The following PACRG variants were observed in gnomAD, a reference collection of about 807,000 sequenced individuals.
PACRG encodes the protein parkin coregulated gene protein.
Under a neutral mutation model 29.7 loss-of-function variants are expected in PACRG, and 29 were observed. The ratio of observed to expected loss-of-function variants is 0.98; its 90% CI spans 0.73 to 1.33. The LOEUF (loss-of-function observed/expected upper bound fraction) is 1.33. PACRG is among the 40% of genes most tolerant of loss of function. The pLI, the probability that PACRG is intolerant of heterozygous loss-of-function variation, is 0.00. For synonymous variants in PACRG, 116 were observed against 118.7 expected (o/e 0.98, Z 0.15); for missense variants, 279 against 316.2 (o/e 0.88, Z 0.89).
At chr6:163,272,961 G>C (rs1258249362) in intron 4 of PACRG, among the ~76,000 whole-genome samples, 1 of 132,316 alleles carries the variant, frequency 7.6e-6, no homozygotes. Context: ...GCGGGATCTC[G>C]GCTCACTGCA....
intron 2 of PACRG, among the ~76,000 whole-genome samples, chr6:162,920,693 T>C (rs1415784959): frequency 1.3e-5 from 2 of 152,206 alleles, no homozygotes; most frequent in Non-Finnish European, 2.9e-5. Flanking sequence ...TACAGTTCTC[T>C]GAGCAATCAG....
At chr6:163,023,502 T>G (rs568944765) in intron 2 of PACRG, among the ~76,000 whole-genome samples, 1 of 152,364 alleles carries the variant, frequency 6.6e-6, no homozygotes, top group African/African-American at 2.4e-5. Context: ...TGACTCCATG[T>G]CTTTGTCATT....
intron 1 of PACRG, among the ~76,000 whole-genome samples, chr6:162,806,170 A>G (rs964797735): frequency 1.3e-5 from 2 of 150,866 alleles, no homozygotes; most frequent in Non-Finnish European, 2.9e-5. Flanking sequence ...GTGCAATAGC[A>G]CAATCTCAGC....
intron 4 of PACRG, among the ~76,000 whole-genome samples, chr6:163,201,135 G>A (rs1186171006): frequency 7.3e-5 from 10 of 137,354 alleles, no homozygotes; most frequent in Non-Finnish European, 1.1e-4. Flanking sequence ...CTAACGAGAC[G>A]GAAACATAGG....
chr6:162,915,189 C>G (rs1357535080), intron 2 of PACRG, among the ~76,000 whole-genome samples: 1 of 151,910 alleles, frequency 6.6e-6, no homozygotes, highest in Non-Finnish European at 1.5e-5. Context: ...GAATTTCTTA[C>G]TATTCCTAAT....
intron 2 of PACRG, among the ~76,000 whole-genome samples, chr6:163,031,375 A>G (rs1807647159): frequency 6.6e-6 from 1 of 152,222 alleles, no homozygotes; most frequent in African/African-American, 2.4e-5. Context: ...TTAGATTTTT[A>G]CATTACCCAT....
At chr6:162,794,345 A>G (rs2128331320) in intron 1 of PACRG, among the ~76,000 whole-genome samples, 1 of 151,980 alleles carries the variant, frequency 6.6e-6, no homozygotes, top group South Asian at 2.1e-4. Context: ...ATATGTTTTG[A>G]ATACTAATTT....
intron 1 of PACRG, among the ~76,000 whole-genome samples, chr6:162,770,159 C>G (rs959203721): frequency 2.6e-5 from 4 of 152,140 alleles, no homozygotes; most frequent in African/African-American, 9.7e-5. Context: ...TTGAATTCCA[C>G]AGATGCAATC....
intron 2 of PACRG, among the ~76,000 whole-genome samples, chr6:162,874,151 A>AAAT (rs67812561): frequency 3.3e-3 from 452 of 136,290 alleles, no homozygotes; most frequent in African/African-American, 5.4e-3. Flanking sequence ...AAAAAAAAAA[A>AAAT]ATATATATAT....
intron 2 of PACRG, among the ~76,000 whole-genome samples, chr6:163,007,245 A>G (rs1279387104): frequency 1.3e-5 from 2 of 152,188 alleles, no homozygotes; most frequent in Non-Finnish European, 2.9e-5. Context: ...TTTTACTTCT[A>G]TATATTATAG....
intron 4 of PACRG, among the ~76,000 whole-genome samples, chr6:163,273,994 G>A (rs139833668): frequency 5.9e-4 from 89 of 152,096 alleles, no homozygotes; most frequent in African/African-American, 2.1e-3. Flanking sequence ...CTTCTGATAT[G>A]CAGTATCTTT....
chr6:162,941,812 CAAAT>C (rs1358483677), intron 2 of PACRG, among the ~76,000 whole-genome samples: 2 of 152,058 alleles, frequency 1.3e-5, no homozygotes, highest in Non-Finnish European at 2.9e-5. Context: ...AAACAGAAAT[CAAAT>C]AACCATGTTA....
At chr6:162,947,330 A>T (rs1562765444) in intron 2 of PACRG, among the ~76,000 whole-genome samples, 3 of 32,784 alleles carry the variant, frequency 9.2e-5, no homozygotes, top group African/African-American at 2.1e-4. Flanking sequence ...TAATACATAT[A>T]ATCATATATA....
chr6:163,043,196 A>G (rs1808924607), intron 2 of PACRG: 1 of 152,228 alleles, frequency 6.6e-6, no homozygotes, highest in Non-Finnish European at 1.5e-5. Context: ...AGGAGCACCA[A>G]GAGAGTTTAA....
chr6:163,006,190 C>CAT (rs776663491), intron 2 of PACRG, among the ~76,000 whole-genome samples: 13,832 of 123,806 alleles, frequency 0.11, 1,825 homozygotes, highest in African/African-American at 0.33. Context: ...TATATAAACC[C>CAT]ATATATATAT....
chr6:162,997,499 A>G (rs1482176859), intron 2 of PACRG: 5 of 447,192 alleles, frequency 1.1e-5, no homozygotes, highest in Middle Eastern at 3.3e-4. Flanking sequence ...ATGTCTTCCA[A>G]TGAATAGCAG....
At chr6:162,732,144 A>G (rs1289753661) in intron 1 of PACRG, among the ~76,000 whole-genome samples, 1 of 152,130 alleles carries the variant, frequency 6.6e-6, no homozygotes, top group East Asian at 1.9e-4. Flanking sequence ...AAATACACCT[A>G]CATTTTCCCT....
intron 2 of PACRG, among the ~76,000 whole-genome samples, chr6:162,863,941 G>C (rs1792084504): frequency 6.6e-6 from 1 of 152,016 alleles, no homozygotes; most frequent in Non-Finnish European, 1.5e-5. Context: ...TCCATTGCTT[G>C]TTCTCCTTCT....
intron 2 of PACRG, among the ~76,000 whole-genome samples, chr6:162,903,159 A>G (rs1795674647): frequency 6.6e-6 from 1 of 152,094 alleles, no homozygotes; most frequent in African/African-American, 2.4e-5. Context: ...CTCCCATACT[A>G]CAGTTTGTTG....
Sources: gnomAD v4.1 joint callset for allele counts (sites outside exome capture counted in the v4.1 genomes callset) on GRCh38, gnomAD v4.1.1 for gene constraint, MANE v1.5 for transcripts, NCBI Gene and HGNC (gene_info 2026-07-23, HGNC 2026-07-21) for gene names.